FEZ1: variants seen among roughly 807,000 people sequenced by gnomAD.
The protein encoded by FEZ1 is fasciculation and elongation protein zeta 1.
Under a neutral mutation model 49.3 loss-of-function variants are expected in FEZ1, and 20 were observed. The ratio of observed to expected loss-of-function variants is 0.41; its 90% confidence interval spans 0.29 to 0.59. The LOEUF is 0.59. FEZ1 is among the 20% of genes least tolerant of loss of function. The pLI, the probability that FEZ1 is intolerant of heterozygous loss-of-function variation, is 0.36. For missense variants in FEZ1, 413 were observed against 476.0 expected, an observed-to-expected ratio of 0.87 and a Z score of 1.23; for synonymous variants, 170 against 180.9, an observed-to-expected ratio of 0.94 and a Z score of 0.48.
intron 5 of FEZ1, among the ~76,000 whole-genome samples, chr11:125,458,318 A>T: frequency 6.6e-6 from 1 of 152,192 alleles, no homozygotes; most frequent in East Asian, 1.9e-4. Context: ...CAGCGTGGGC[A>T]TTTGATACCC....
rs1957364254 is a variant in FEZ1, at chr11:125,489,756, G to A, written c.22C>T (p.Leu8=). The A allele has an allele frequency of 6.4e-7, 1 of 1,556,546 alleles. No individual in the cohort carries two copies. Among genetic ancestry groups the A allele is most frequent in the Admixed American group, 1.9e-5 (1 of 51,394 alleles). ...CGAAGGTCCTCAAACTCTTCATCCA[G>A]ACTCACCAGTGGGGCCTCCATTCTT... The part of the protein sequence containing the change: MEAPLVS[L]DEEFEDLRPS... The change falls in exon 2 of 10, where the codon CTG becomes TTG. Residue 8 remains leucine (L), a synonymous_variant. Transcript: ENST00000278919. The surrounding 1 kb of genome is among the most constrained non-coding windows in gnomAD (Gnocchi z 4.2).
rs1956875798 is a variant in FEZ1, at chr11:125,444,105, A to ATCCATTCCCTTTTAT, written c.*1989_*1990insATAAAAGGGAATGGA. ...TAGCACCAGTGAACTGCCGAACTGA[A>ATCCATTCCCTTTTAT]TCCATGCCCTTTTATCACAGGACGA... On this transcript the variant is annotated 3_prime_UTR_variant, in exon 10 of 10. Transcript: ENST00000278919. 6.6e-6 allele frequency among the ~76,000 whole-genome samples: 1 copy of ATCCATTCCCTTTTAT among 151,988 alleles called. No individual in the cohort carries two copies. The highest frequency in any genetic ancestry group is 2.1e-4 in the South Asian group (1 of 4,822).
chr11:125,462,696 T>C (rs1275343550), intron 4 of FEZ1, among the ~76,000 whole-genome samples: 2 of 152,188 alleles, frequency 1.3e-5, no homozygotes, highest in Non-Finnish European at 2.9e-5. Context: ...ATGAAATCCC[T>C]TATCAAAAAT....
chr11:125,443,097 A>C lies in FEZ1; in HGVS notation c.*2998T>G, dbSNP rs1956870328. On this transcript the variant is annotated 3_prime_UTR_variant, in exon 10 of 10. Transcript: ENST00000278919. ...TAGGCCTAGCAAAATCCTTTAATTG[A>C]TGGAAACATACCTCATTTATAGGCT... Among the ~76,000 whole-genome samples, 2 of 152,198 alleles carry C rather than the reference A, an allele frequency of 1.3e-5. No individual in the cohort carries two copies. The highest frequency in any genetic ancestry group is 3.4e-3 in the Middle Eastern group (1 of 294).
At chr11:125,484,730 G>A (rs550491117) in intron 2 of FEZ1, among the ~76,000 whole-genome samples, 4 of 151,944 alleles carry the variant, frequency 2.6e-5, no homozygotes, top group African/African-American at 4.8e-5. Flanking sequence ...AAACCCATAC[G>A]TACGATGATC....
rs570334895 is a variant in FEZ1, at chr11:125,473,179, T to TA, written c.411+8354dup. 4.2e-4 allele frequency among the ~76,000 whole-genome samples: 64 copies of TA among 152,064 alleles called. No individual in the cohort carries two copies. The South Asian group carries it at 7.3e-3, about 17-fold the overall frequency. On this transcript the variant is annotated intron_variant, in intron 3 of 9. Coordinates refer to ENST00000278919, the MANE Select transcript of FEZ1 (RefSeq NM_005103.5). The stretch of plus-strand genomic sequence containing the variant: ...ACATTTTAAAATAAATTAGGGATGA[T>TA]AAAAAAAGACACACACATATATATA...
rs756879632 is a variant in FEZ1 at position 125,481,646 on chromosome 11, A to G, written c.312-13T>C. ...AGCATCCCAAACCCTGTAAACAAAG[A>G]GAAGCTCTCATTAACACACATCTGT... is the stretch of plus-strand genomic sequence containing the variant. On this transcript the variant is annotated splice_polypyrimidine_tract_variant and intron_variant, in intron 2 of 9. Coordinates refer to ENST00000278919, the MANE Select transcript of FEZ1 (RefSeq NM_005103.5). 1 of 1,569,538 alleles carries G rather than the reference A, an allele frequency of 6.4e-7. No individual in the cohort carries two copies. Among genetic ancestry groups the G allele is most frequent in the Admixed American group, 1.7e-5 (1 of 59,974 alleles).
chr11:125,457,700 C>T (rs1471873951), intron 5 of FEZ1, among the ~76,000 whole-genome samples: 1 of 151,802 alleles, frequency 6.6e-6, no homozygotes, highest in African/African-American at 2.4e-5. Flanking sequence ...TGGATGCAGA[C>T]ATGCAATGCA....
chr11:125,473,514 A>C (rs1042693673), intron 3 of FEZ1, among the ~76,000 whole-genome samples: 1 of 152,130 alleles, frequency 6.6e-6, no homozygotes, highest in African/African-American at 2.4e-5. Context: ...CTTACTCCAT[A>C]CTATATACAA....
At chr11:125,460,461 C>A in intron 5 of FEZ1, 37 bp downstream of exon 5, 1 of 1,594,096 alleles carries the variant, frequency 6.3e-7, no homozygotes. Context: ...CGAGCAGGTG[C>A]TTCCTCCTCG....
chr11:125,495,698 A>C lies in FEZ1; in HGVS notation c.-46+423T>G. On this transcript the variant is annotated intron_variant, in intron 1 of 9. Coordinates refer to ENST00000278919, the MANE Select transcript of FEZ1 (RefSeq NM_005103.5). The surrounding 1 kb of genome is among the most constrained non-coding windows in gnomAD (Gnocchi z 4.2). ...CGGTCCCGGGACGAGGTACCGACCC[A>C]CTGCCCCAGCGCGATCGGGCGGCGT... 2.7e-6 allele frequency: 1 copy of C among 369,274 alleles called. No individual in the cohort carries two copies. Among genetic ancestry groups the C allele is most frequent in the South Asian group, 2.0e-5 (1 of 50,338 alleles). The allele number at this position is 369,274 out of a possible 1,614,324, so 22.9% of individuals were successfully genotyped here.
At chr11:125,446,153 T>C in intron 9 of FEZ1, 42 bp from the exon 10 acceptor site, 1 of 1,610,984 alleles carries the variant, frequency 6.2e-7, no homozygotes, top group South Asian at 1.1e-5. Flanking sequence ...CAGAACACAG[T>C]TGCAGGTGGG....
At chr11:125,457,447 TATATGTATATATACAC>T (rs1204039970) in intron 5 of FEZ1, among the ~76,000 whole-genome samples, 91 of 91,294 alleles carry the variant, frequency 1.0e-3, no homozygotes, top group East Asian at 5.3e-3. Flanking sequence ...TATATATATA[TATATGTATATATACAC>T]ATATATATGT....
chr11:125,489,856 A>C lies in FEZ1; in HGVS notation c.-45-34T>G. ...AATGAACAGCGTAATGTGAGTTTAGACCAGGCTAATCTAAATAATAGAGTT... is the reference window on the plus strand; with the variant it reads ...AATGAACAGCGTAATGTGAGTTTAGCCCAGGCTAATCTAAATAATAGAGTT... On this transcript the variant is annotated intron_variant, in intron 1 of 9. Transcript: ENST00000278919. This position sits in a 1 kb window ranked among gnomAD's most constrained non-coding sequence, Gnocchi z 4.2. 6.7e-7 allele frequency: 1 copy of C among 1,489,228 alleles called. No homozygotes were observed. Among genetic ancestry groups the C allele is most frequent in the Non-Finnish European group, 8.9e-7 (1 of 1,119,448 alleles). The allele number at this position is 1,489,228 out of a possible 1,614,324, so 92.3% of individuals were successfully genotyped here. A position where few individuals can be genotyped will look rare whatever the true frequency, so the allele number is the denominator to read the frequency against.
chr11:125,487,990 A>G (rs1957341613), intron 2 of FEZ1, among the ~76,000 whole-genome samples: 1 of 152,210 alleles, frequency 6.6e-6, no homozygotes, highest in Non-Finnish European at 1.5e-5. Flanking sequence ...CAAATCCACA[A>G]AAAGGGAAAC....
chr11:125,487,682 A>G (rs1045753974), intron 2 of FEZ1, among the ~76,000 whole-genome samples: 3 of 152,234 alleles, frequency 2.0e-5, no homozygotes, highest in Admixed American at 6.5e-5. Context: ...TTAAAAAGAA[A>G]AGAAGGAAAT....
intron 9 of FEZ1, among the ~76,000 whole-genome samples, chr11:125,446,698 G>A (rs958326774): frequency 6.6e-6 from 1 of 151,952 alleles, no homozygotes; most frequent in African/African-American, 2.4e-5. Context: ...GTTTTTTTGA[G>A]ACAGGGTCTT....
intron 5 of FEZ1, among the ~76,000 whole-genome samples, chr11:125,457,258 C>A (rs1446751387): frequency 2.0e-5 from 3 of 147,604 alleles, no homozygotes; most frequent in African/African-American, 5.0e-5. Context: ...ATTAAAAATT[C>A]TTTTAAACAC....
At chr11:125,478,746 C>G (rs549415925) in intron 3 of FEZ1, among the ~76,000 whole-genome samples, 29 of 152,308 alleles carry the variant, frequency 1.9e-4, no homozygotes, top group Non-Finnish European at 3.5e-4. Context: ...AGGAACAGAG[C>G]TCAAGATCAT....
Sources: allele counts gnomAD v4.1 joint callset (sites outside exome capture counted in the v4.1 genomes callset), GRCh38; gene constraint gnomAD v4.1.1; non-coding constraint Gnocchi (gnomAD v3.1); transcripts MANE v1.5; gene names NCBI Gene and HGNC (gene_info 2026-07-23, HGNC 2026-07-21).